The following NAP1L1 variants were observed in gnomAD, a reference collection of about 807,000 sequenced individuals.
NAP1L1 encodes nucleosome assembly protein 1 like 1.
A neutral mutation model predicts 58.9 loss-of-function variants in NAP1L1; 9 were observed. That is an observed-to-expected ratio of 0.15 (90% confidence interval 0.09 to 0.27). The LOEUF (loss-of-function observed/expected upper bound fraction) is 0.27. NAP1L1 is among the 10% of genes least tolerant of loss of function. The pLI, the probability that NAP1L1 is intolerant of heterozygous loss-of-function variation, is 1.00. For synonymous variants in NAP1L1, 130 were observed against 138.3 expected, an observed-to-expected ratio of 0.94 and a Z score of 0.42; for missense variants, 302 against 458.8, an observed-to-expected ratio of 0.66 and a Z score of 3.12.
At chr12:76,077,201 G>A (rs1464258057) in intron 1 of NAP1L1, among the ~76,000 whole-genome samples, 7 of 152,194 alleles carry the variant, frequency 4.6e-5, no homozygotes, top group Non-Finnish European at 8.8e-5. Context: ...TGAAACTTTA[G>A]TAAAGAGGAT....
At chr12:76,057,623 T>C (rs377381447) in intron 6 of NAP1L1, 1 of 1,296,636 alleles carries the variant, frequency 7.7e-7, no homozygotes, top group Non-Finnish European at 1.1e-6. Context: ...GATTACCTAC[T>C]TTGAGTCCTT....
intron 11 of NAP1L1, among the ~76,000 whole-genome samples, chr12:76,052,676 C>A (rs1414622027): frequency 3.3e-5 from 5 of 152,128 alleles, no homozygotes; most frequent in Admixed American, 6.5e-5. Context: ...TGTTCTTTGC[C>A]ATATGCCATA....
rs1048667714 is a variant in NAP1L1, at chr12:76,038,528, T to A, written c.*9901A>T. 6.6e-6 allele frequency: 1 copy of A among 152,036 alleles called. No homozygotes were observed. Among genetic ancestry groups the A allele is most frequent in the Non-Finnish European group, 1.5e-5 (1 of 68,002 alleles). The allele number at this position is 152,036 out of a possible 1,614,324, so 9.4% of individuals were successfully genotyped here. On this transcript the variant is annotated 3_prime_UTR_variant, in exon 15 of 15. Coordinates refer to ENST00000618691, the MANE Select transcript of NAP1L1 (RefSeq NM_004537.7). ...GTGATAGAGGACATATAGCAGTGAG[T>A]GTAGACAATTCCTCCCAAAAACATG...
chr12:76,061,079 A>C (rs1021110762), intron 4 of NAP1L1: 2 of 428,976 alleles, frequency 4.7e-6, no homozygotes, highest in Admixed American at 5.4e-5. Context: ...TGGCTGACAG[A>C]ATGAGACCCT....
chr12:76,049,129 G>T, intron 14 of NAP1L1, 71 bp downstream of exon 14: 4 of 1,444,796 alleles, frequency 2.8e-6, no homozygotes, highest in Middle Eastern at 4.2e-4. Context: ...AGAGAAACTT[G>T]ATATTCAAAA....
rs1948917451 is a variant in NAP1L1 at position 76,053,109 on chromosome 12, A to C, written c.918T>G (p.Val306=). The C allele has an allele frequency of 6.2e-7, 1 of 1,611,768 alleles. No individual in the cohort carries two copies. The highest frequency in any genetic ancestry group is 1.7e-5 in the Admixed American group (1 of 59,856). ...SFFNFFAPPE[V]PESGDLDDDA... is the part of the protein sequence containing the mutation. The stretch of plus-strand genomic sequence containing the variant: ...AACTTACCAGATCTCCACTCTCAGG[A>C]ACTGCAAAATTGAGAAAAGAAATTA... The change falls in exon 11 of 15, where the codon GTT becomes GTG. Residue 306 remains valine, a splice_region_variant and synonymous_variant. Coordinates refer to ENST00000618691, the MANE Select transcript of NAP1L1 (RefSeq NM_004537.7).
rs1209488128 is a variant in NAP1L1, at chr12:76,046,974, G to A, written c.*1455C>T. 6.6e-6 allele frequency: 1 copy of A among 152,388 alleles called. No homozygotes were observed. Among genetic ancestry groups the A allele is most frequent in the Non-Finnish European group, 1.5e-5 (1 of 67,928 alleles). 9.4% of individuals were successfully genotyped at this position (152,388 alleles called of 1,614,324 possible). ...TATCTGAAAACAAATCTTGGACCTT[G>A]TGAAATAGTGCATCCCTCCACTTCT... On this transcript the variant is annotated 3_prime_UTR_variant, in exon 15 of 15. Transcript: ENST00000618691.
Position 76,050,469 on chromosome 12 carries a change from T to TA in NAP1L1, c.1059+61dup, listed in dbSNP as rs374579176. ...CTTCTTAAAAACTAAACTAATCTAT[T>TA]ACCAATTCTGACCACTATACCCTCA... On this transcript the variant is annotated intron_variant, in intron 12 of 14. Transcript: ENST00000618691. 1.0e-4 allele frequency: 159 copies of TA among 1,524,574 alleles called. 1 individual carries two copies. The African/African-American group carries it at 1.8e-3, about 17-fold the overall frequency. 94.4% of individuals were successfully genotyped at this position (1,524,574 alleles called of 1,614,324 possible). A position where few individuals can be genotyped will look rare whatever the true frequency, so the allele number is the denominator to read the frequency against.
intron 1 of NAP1L1, among the ~76,000 whole-genome samples, chr12:76,082,302 G>A (rs1314005289): frequency 6.6e-6 from 1 of 152,162 alleles, no homozygotes; most frequent in African/African-American, 2.4e-5. Context: ...GGAGCCAACA[G>A]GAGCAAGCTG....
chr12:76,053,925 AT>A lies in NAP1L1; in HGVS notation c.631-17del. On this transcript the variant is annotated splice_polypyrimidine_tract_variant and intron_variant, in intron 8 of 14. Transcript: ENST00000618691. ...AGACAAAACTCTGGGGAGAGGAAGC[AT>A]AAAAATCAGTTAAATACCTACCTCA... 1 of 1,592,142 alleles carries A rather than the reference AT, an allele frequency of 6.3e-7. No homozygotes were observed. The highest frequency in any genetic ancestry group is 8.5e-7 in the Non-Finnish European group (1 of 1,174,022).
Position 76,043,459 on chromosome 12 carries a change from A to G in NAP1L1, c.*4970T>C, listed in dbSNP as rs745704975. ...CAGTACACTCCAACCTGGGCAAATG[A>G]AGTAAGACCCTGTCTCAGAAAAAAA... is the stretch of plus-strand genomic sequence containing the variant. On this transcript the variant is annotated 3_prime_UTR_variant, in exon 15 of 15. Coordinates refer to ENST00000618691, the MANE Select transcript of NAP1L1 (RefSeq NM_004537.7). 8 of 147,340 alleles carry G rather than the reference A, an allele frequency of 5.4e-5. No homozygotes were observed. Among genetic ancestry groups the G allele is most frequent in the Non-Finnish European group, 1.2e-4 (8 of 67,140 alleles). The allele number at this position is 147,340 out of a possible 1,614,324, so 9.1% of individuals were successfully genotyped here. A position where few individuals can be genotyped will look rare whatever the true frequency, so the allele number is the denominator to read the frequency against.
chr12:76,072,775 G>A (rs1362972653), intron 2 of NAP1L1, among the ~76,000 whole-genome samples: 1 of 152,146 alleles, frequency 6.6e-6, no homozygotes, highest in African/African-American at 2.4e-5. Flanking sequence ...ATGGAGCAAT[G>A]CCTTCAAAAT....
At chr12:76,076,583 T>TATATATATATAC (rs1184124971) in intron 1 of NAP1L1, among the ~76,000 whole-genome samples, 1 of 124,430 alleles carries the variant, frequency 8.0e-6, no homozygotes, top group African/African-American at 3.7e-5. Flanking sequence ...TATATATATA[T>TATATATATATAC]ATATATATAT....
chr12:76,066,513 G>A (rs1173754711), intron 4 of NAP1L1, among the ~76,000 whole-genome samples: 1 of 151,780 alleles, frequency 6.6e-6, no homozygotes, highest in Non-Finnish European at 1.5e-5. Flanking sequence ...TGGAAAAAGG[G>A]TACCAATGGG....
At chr12:76,050,784 T>C (rs966998933) in intron 11 of NAP1L1, 131 bp from the exon 12 acceptor site, 54 of 901,464 alleles carry the variant, frequency 6.0e-5, no homozygotes, top group Non-Finnish European at 8.1e-5. Context: ...GAGGCCAAAG[T>C]AGGAGGATCA....
intron 1 of NAP1L1, among the ~76,000 whole-genome samples, chr12:76,082,587 C>T (rs1330431867): frequency 6.6e-6 from 1 of 152,132 alleles, no homozygotes; most frequent in African/African-American, 2.4e-5. Flanking sequence ...CAGAAGATGT[C>T]CAAGTCCACC....
intron 4 of NAP1L1, chr12:76,061,004 C>A (rs1318485920): frequency 1.6e-5 from 7 of 434,186 alleles, no homozygotes; most frequent in South Asian, 1.2e-4. Flanking sequence ...AAGATGAGAG[C>A]ATCACCTGAG....
chr12:76,079,223 A>AAGCAAT (rs1950307615), intron 1 of NAP1L1, among the ~76,000 whole-genome samples: 1 of 152,140 alleles, frequency 6.6e-6, no homozygotes, highest in Admixed American at 6.5e-5. Flanking sequence ...CAACCAAAAC[A>AAGCAAT]TCTTTTAAGA....
intron 4 of NAP1L1, among the ~76,000 whole-genome samples, chr12:76,062,175 C>T (rs750291778): frequency 7.2e-5 from 11 of 152,188 alleles, no homozygotes; most frequent in South Asian, 2.1e-4. Context: ...GAAAGCTGCA[C>T]GGTTCAAAGC....
Sources: allele counts gnomAD v4.1 joint callset (sites outside exome capture counted in the v4.1 genomes callset), GRCh38; gene constraint gnomAD v4.1.1; transcripts MANE v1.5; gene names NCBI Gene and HGNC (gene_info 2026-07-23, HGNC 2026-07-21).